The following FHIP1A variants were observed in gnomAD, a reference collection of about 807,000 sequenced individuals.
FHIP1A encodes the protein FHF complex subunit HOOK interacting protein 1A.
Under a neutral mutation model 88.6 loss-of-function variants are expected in FHIP1A, and 61 were observed. The observed-to-expected ratio is 0.69, with a 90% CI of 0.56 to 0.85. The LOEUF (loss-of-function observed/expected upper bound fraction) is 0.85. FHIP1A is among the 40% of genes least tolerant of loss of function. The probability of loss-of-function intolerance (pLI) is 0.00; values close to 1 mark genes in which losing one functional copy is unlikely to be tolerated. For missense variants in FHIP1A, 1,154 were observed against 1,273.5 expected (o/e 0.91, Z 1.43); for synonymous variants, 478 against 496.0 (o/e 0.96, Z 0.48).
chr4:151,425,336 AAAAC>A (rs754559828), intron 1 of FHIP1A, among the ~76,000 whole-genome samples: 2 of 152,198 alleles, frequency 1.3e-5, no homozygotes, highest in East Asian at 3.9e-4. Context: ...AATGACAAGA[AAAAC>A]AAAGAGGGAA....
chr4:151,603,125 A>G (rs185200814), intron 7 of FHIP1A, among the ~76,000 whole-genome samples: 1 of 152,284 alleles, frequency 6.6e-6, no homozygotes, highest in Admixed American at 6.5e-5. Flanking sequence ...AGCCTGGCCA[A>G]TATGGTGAAA....
chr4:151,427,162 A>T (rs1001494770), intron 1 of FHIP1A, among the ~76,000 whole-genome samples: 6 of 152,232 alleles, frequency 3.9e-5, no homozygotes, highest in Middle Eastern at 6.8e-3. Context: ...CATATGCAGG[A>T]TCTCTGTTTA....
intron 4 of FHIP1A, among the ~76,000 whole-genome samples, chr4:151,574,287 A>G (rs1733702581): frequency 6.6e-6 from 1 of 152,222 alleles, no homozygotes; most frequent in African/African-American, 2.4e-5. Context: ...GTATAAGGGA[A>G]CTACTATAAA....
chr4:151,578,037 G>C lies in FHIP1A; in HGVS notation c.693G>C (p.Met231Ile). The change falls in exon 5 of 14, where the codon ATG (methionine) becomes ATC (isoleucine). Residue 231 changes from methionine (M) to isoleucine (I), a missense_variant. Physicochemically the swap from Met to Ile is conservative, Grantham distance 10 (BLOSUM62 1). Transcript: ENST00000435205. ...TGTCTCTTTCTGCTGAGAACACCAT[G>C]GTGGCCCATCACATCGTGGAGAACA... is the stretch of plus-strand genomic sequence containing the variant. Reference protein sequence around the residue: ...FIMSLSAENTMVAHHIVENTY... With the variant: ...FIMSLSAENTIVAHHIVENTY... 6.5e-7 allele frequency: 1 copy of C among 1,550,372 alleles called. No individual in the cohort carries two copies. The highest frequency in any genetic ancestry group is 8.7e-7 in the Non-Finnish European group (1 of 1,146,646).
In FHIP1A at chr4:151,445,849, AATATATAT is replaced by A. The variant is rs56199696; in HGVS notation, c.-355-8835_-355-8828del. ...CAGCCTGAGAGACCTCATCTCTTAA[AATATATAT>A]ATATATATATATATATTTCATATGA... On this transcript the variant is annotated intron_variant, in intron 1 of 13. Transcript: ENST00000435205. Among the ~76,000 whole-genome samples the A allele has an allele frequency of 1.2e-4, 12 of 98,006 alleles. 2 individuals are homozygous for A. Among genetic ancestry groups the A allele is most frequent in the East Asian group, 2.8e-4 (1 of 3,530 alleles). 64.3% of individuals were successfully genotyped at this position (98,006 alleles called of 152,430 possible).
intron 2 of FHIP1A, among the ~76,000 whole-genome samples, chr4:151,478,428 G>A (rs766690413): frequency 5.9e-5 from 9 of 152,042 alleles, no homozygotes; most frequent in African/African-American, 1.2e-4. Flanking sequence ...GGTGATTTTC[G>A]TTGTAAAAAC....
chr4:151,487,155 T>C (rs1433505692), intron 3 of FHIP1A, among the ~76,000 whole-genome samples: 1 of 152,146 alleles, frequency 6.6e-6, no homozygotes, highest in Non-Finnish European at 1.5e-5. Context: ...TTTATTGAGA[T>C]GTATCTTTTT....
chr4:151,600,657 A>T (rs1013043937), intron 7 of FHIP1A, among the ~76,000 whole-genome samples: 1 of 152,150 alleles, frequency 6.6e-6, no homozygotes, highest in Non-Finnish European at 1.5e-5. Flanking sequence ...CTGCTCTGCG[A>T]TGTCTGGGGC....
At chr4:151,499,740 C>T (rs1730583915) in intron 3 of FHIP1A, among the ~76,000 whole-genome samples, 1 of 152,184 alleles carries the variant, frequency 6.6e-6, no homozygotes, top group Non-Finnish European at 1.5e-5. Flanking sequence ...CAAACACATC[C>T]TTCTTCACAT....
intron 3 of FHIP1A, among the ~76,000 whole-genome samples, chr4:151,553,407 G>T (rs1732821596): frequency 6.6e-6 from 1 of 152,142 alleles, no homozygotes; most frequent in African/African-American, 2.4e-5. Flanking sequence ...AAAATGTTTT[G>T]AGTCTGCATT....
At chr4:151,593,285 TC>T (rs1409297251) in intron 7 of FHIP1A, among the ~76,000 whole-genome samples, 1 of 152,222 alleles carries the variant, frequency 6.6e-6, no homozygotes, top group Non-Finnish European at 1.5e-5. Flanking sequence ...AGTAGTTTTT[TC>T]TAATTCTGTG....
chr4:151,539,562 TAAAA>T (rs1215200409), intron 3 of FHIP1A, among the ~76,000 whole-genome samples: 6 of 102,552 alleles, frequency 5.9e-5, no homozygotes, highest in Admixed American at 1.1e-4. Flanking sequence ...AGACTCTGTC[TAAAA>T]AAAAAAAAAA....
intron 7 of FHIP1A, among the ~76,000 whole-genome samples, chr4:151,590,550 G>C (rs1028042237): frequency 6.6e-6 from 1 of 152,196 alleles, no homozygotes; most frequent in East Asian, 1.9e-4. Flanking sequence ...CTTCTCCACA[G>C]TGGTATGCGT....
intron 7 of FHIP1A, among the ~76,000 whole-genome samples, chr4:151,592,800 C>G (rs1294401176): frequency 1.3e-5 from 2 of 152,150 alleles, no homozygotes; most frequent in African/African-American, 4.8e-5. Context: ...GCTTTTGTTG[C>G]CATTGCTTTT....
chr4:151,659,495 T>TA (rs925203714), intron 13 of FHIP1A, among the ~76,000 whole-genome samples: 1 of 152,242 alleles, frequency 6.6e-6, no homozygotes, highest in Non-Finnish European at 1.5e-5. Context: ...GCCCTTTGCC[T>TA]AATGCTGCTG....
intron 1 of FHIP1A, among the ~76,000 whole-genome samples, chr4:151,429,235 T>C (rs1340978187): frequency 6.6e-6 from 1 of 152,270 alleles, no homozygotes; most frequent in Non-Finnish European, 1.5e-5. Context: ...GCAGTTCGCC[T>C]GTTTTTGTTC....
chr4:151,513,611 T>C (rs917113993), intron 3 of FHIP1A, among the ~76,000 whole-genome samples: 46 of 151,944 alleles, frequency 3.0e-4, no homozygotes, highest in African/African-American at 1.1e-3. Context: ...GAGGAAGATC[T>C]ACCAAGCCAA....
intron 5 of FHIP1A, among the ~76,000 whole-genome samples, chr4:151,578,887 T>G (rs1733919861): frequency 6.6e-6 from 1 of 152,148 alleles, no homozygotes; most frequent in Non-Finnish European, 1.5e-5. Flanking sequence ...AAAGTGGGGA[T>G]ATATGCAGAT....
At chr4:151,447,751 G>A (rs907854204) in intron 1 of FHIP1A, among the ~76,000 whole-genome samples, 2 of 152,146 alleles carry the variant, frequency 1.3e-5, no homozygotes, top group African/African-American at 4.8e-5. Context: ...TGATACAAGT[G>A]GTATCCTTAT....
Sources: allele counts gnomAD v4.1 joint callset (sites outside exome capture counted in the v4.1 genomes callset), GRCh38; gene constraint gnomAD v4.1.1; transcripts MANE v1.5; gene names NCBI Gene and HGNC (gene_info 2026-07-23, HGNC 2026-07-21).